The following HDAC9 variants were observed in gnomAD, a reference collection of about 807,000 sequenced individuals.
HDAC9 encodes histone deacetylase 9, also known as MEF-2 interacting transcription repressor (MITR) protein.
In HDAC9, 41 loss-of-function variants were observed where a neutral mutation model predicts 139.4. That is an observed-to-expected ratio of 0.29 (90% CI 0.23 to 0.38). The LOEUF is 0.38. Among genes scored for constraint, HDAC9 ranks in the 10% least tolerant of loss-of-function variants. The pLI, the probability that HDAC9 is intolerant of heterozygous loss-of-function variation, is 1.00. For missense variants in HDAC9, 1,147 were observed against 1,297.0 expected, an observed-to-expected ratio of 0.88 and a Z score of 1.78; for synonymous variants, 517 against 476.2, an observed-to-expected ratio of 1.09 and a Z score of -1.12.
chr7:18,926,785 G>A (rs1264638989), intron 22 of HDAC9, among the ~76,000 whole-genome samples: 1 of 151,934 alleles, frequency 6.6e-6, no homozygotes, highest in African/African-American at 2.4e-5. Context: ...ACTTTTTTTA[G>A]GATACAATTT....
chr7:18,938,925 A>G (rs1781840222), intron 23 of HDAC9, among the ~76,000 whole-genome samples: 2 of 152,242 alleles, frequency 1.3e-5, no homozygotes, highest in African/African-American at 4.8e-5. Flanking sequence ...TAGAAAGACC[A>G]GGCTTGAGAA....
intron 25 of HDAC9, among the ~76,000 whole-genome samples, chr7:18,979,460 C>T (rs1424349817): frequency 6.6e-6 from 1 of 152,166 alleles, no homozygotes; most frequent in Admixed American, 6.5e-5. Flanking sequence ...ATTCACCCCT[C>T]TTATTTTATT....
intron 25 of HDAC9, among the ~76,000 whole-genome samples, chr7:18,990,519 C>A (rs1246110978): frequency 6.6e-6 from 1 of 152,212 alleles, no homozygotes; most frequent in South Asian, 2.1e-4. Context: ...GTGCCCTGCC[C>A]CCAGAGGTGG....
At chr7:18,294,214 C>G (rs1170307214) in intron 1 of HDAC9, among the ~76,000 whole-genome samples, 1 of 152,066 alleles carries the variant, frequency 6.6e-6, no homozygotes, top group Non-Finnish European at 1.5e-5. Flanking sequence ...ATTGTACTGT[C>G]TACATTGGGA....
chr7:18,648,414 G>A, intron 10 of HDAC9, 52 bp from the exon 11 acceptor site: 21 of 1,162,418 alleles, frequency 1.8e-5, no homozygotes, highest in Non-Finnish European at 2.5e-5. Context: ...GTGTGTATGT[G>A]TGTGTGTGTG....
At chr7:18,302,249 C>T (rs1317721639) in intron 1 of HDAC9, among the ~76,000 whole-genome samples, 2 of 152,176 alleles carry the variant, frequency 1.3e-5, no homozygotes, top group South Asian at 2.1e-4. Flanking sequence ...GACATATGCC[C>T]ATATGCTTAG....
intron 1 of HDAC9, among the ~76,000 whole-genome samples, chr7:18,482,661 G>A (rs1490871186): frequency 6.6e-6 from 1 of 151,928 alleles, no homozygotes; most frequent in African/African-American, 2.4e-5. Context: ...TTTTCTTAGA[G>A]AAGCATCACA....
intron 2 of HDAC9, among the ~76,000 whole-genome samples, chr7:18,261,730 C>G (rs1795693088): frequency 6.6e-6 from 1 of 152,162 alleles, no homozygotes; most frequent in Admixed American, 6.5e-5. Flanking sequence ...ATTTAGTTGT[C>G]TTTTTCTGCT....
intron 1 of HDAC9, among the ~76,000 whole-genome samples, chr7:18,404,387 A>T (rs952425153): frequency 5.3e-5 from 8 of 152,196 alleles, no homozygotes; most frequent in Non-Finnish European, 1.2e-4. Flanking sequence ...TGAATGAAAG[A>T]GCAATGTCAC....
chr7:18,592,640 T>G (rs1391257131), intron 5 of HDAC9, among the ~76,000 whole-genome samples: 1 of 152,066 alleles, frequency 6.6e-6, no homozygotes, highest in Admixed American at 6.6e-5. Context: ...AAGGCTATTT[T>G]ATAGGTATCC....
At position 18,647,858 on chromosome 7, in the gene HDAC9, A is replaced by G; in HGVS notation, c.1109A>G (p.Gln370Arg). 1 of 1,612,672 alleles carries G rather than the reference A, an allele frequency of 6.2e-7. No individual in the cohort carries two copies. Among genetic ancestry groups the G allele is most frequent in the Non-Finnish European group, 8.5e-7 (1 of 1,179,336 alleles). Reference sequence around the variant, plus strand: ...AGGCAAGGTGTTCCTCTGCCTGGGCAGTATGGAGGCAGCATCCCGGCATCT... The same window carrying G: ...AGGCAAGGTGTTCCTCTGCCTGGGCGGTATGGAGGCAGCATCCCGGCATCT... The part of the protein sequence containing the change: ...TLRQGVPLPG[Q>R]YGGSIPASSS... The change falls in exon 10 of 26, where the codon CAG becomes CGG. Residue 370 changes from glutamine (Q) to arginine (R), a missense_variant. Physicochemically the swap from Gln to Arg is conservative, Grantham distance 43. Coordinates refer to ENST00000686413, the MANE Select transcript of HDAC9 (RefSeq NM_178425.4).
At chr7:18,944,062 AC>A (rs1782204240) in intron 23 of HDAC9, among the ~76,000 whole-genome samples, 1 of 152,318 alleles carries the variant, frequency 6.6e-6, no homozygotes, top group South Asian at 2.1e-4. Flanking sequence ...TAAAATTATA[AC>A]CAGATTTACT....
intron 1 of HDAC9, among the ~76,000 whole-genome samples, chr7:18,463,854 A>G (rs1162192381): frequency 1.3e-5 from 2 of 151,842 alleles, no homozygotes; most frequent in Non-Finnish European, 2.9e-5. Flanking sequence ...TGTCAAACCC[A>G]CAGATGTTAT....
intron 2 of HDAC9, chr7:18,543,458 C>T (rs553015511): frequency 1.3e-5 from 2 of 152,408 alleles, no homozygotes; most frequent in South Asian, 2.1e-4. Flanking sequence ...TTCTGCTTTT[C>T]CCTTCTCAAA....
chr7:18,882,359 G>A (rs1374013637), intron 22 of HDAC9, among the ~76,000 whole-genome samples: 1 of 152,032 alleles, frequency 6.6e-6, no homozygotes, highest in Non-Finnish European at 1.5e-5. Flanking sequence ...AATAGGAATT[G>A]TATTCAGGGA....
At chr7:18,799,598 G>T (rs1793119646) in intron 17 of HDAC9, among the ~76,000 whole-genome samples, 1 of 152,060 alleles carries the variant, frequency 6.6e-6, no homozygotes, top group African/African-American at 2.4e-5. Flanking sequence ...TAAAATAAAA[G>T]AACCAAGGAA....
At chr7:18,168,898 T>G (rs1220569862) in intron 2 of HDAC9, among the ~76,000 whole-genome samples, 2 of 68,944 alleles carry the variant, frequency 2.9e-5, no homozygotes, top group Admixed American at 1.5e-4. Flanking sequence ...TTTTTTTTTT[T>G]GTGTGTGTGT....
At chr7:18,213,835 C>G (rs1198412029) in intron 2 of HDAC9, among the ~76,000 whole-genome samples, 1 of 152,112 alleles carries the variant, frequency 6.6e-6, no homozygotes, top group African/African-American at 2.4e-5. Context: ...ACATGTCTAC[C>G]AGGCATCATG....
intron 2 of HDAC9, among the ~76,000 whole-genome samples, chr7:18,546,150 A>G (rs1045647391): frequency 6.6e-6 from 1 of 152,192 alleles, no homozygotes; most frequent in African/African-American, 2.4e-5. Context: ...GCCCTAGCCT[A>G]ATGATTGCAT....
Sources: allele counts gnomAD v4.1 joint callset (sites outside exome capture counted in the v4.1 genomes callset), GRCh38; gene constraint gnomAD v4.1.1; transcripts MANE v1.5; gene names NCBI Gene and HGNC (gene_info 2026-07-23, HGNC 2026-07-21).